NOC2L: variants seen among roughly 807,000 people sequenced by gnomAD.
The protein encoded by NOC2L is nucleolar complex protein 2 homolog.
Under a neutral mutation model 94.2 loss-of-function variants are expected in NOC2L, and 101 were observed. The ratio of observed to expected loss-of-function variants is 1.07; its 90% CI spans 0.91 to 1.26. The LOEUF (loss-of-function observed/expected upper bound fraction) is 1.26. NOC2L is among the 50% of genes most tolerant of loss of function. The probability of loss-of-function intolerance (pLI) is 0.00; values close to 1 mark genes in which losing one functional copy is unlikely to be tolerated. For missense variants in NOC2L, 1,076 were observed against 980.1 expected (o/e 1.10, Z -1.31); for synonymous variants, 531 against 413.4 (o/e 1.28, Z -3.45).
rs1642305583 is a variant in NOC2L, at chr1:953,190, A to G, written c.987T>C (p.Leu329=). 1 of 1,612,486 alleles carries G rather than the reference A, an allele frequency of 6.2e-7. No individual in the cohort carries two copies. Among genetic ancestry groups the G allele is most frequent in the African/African-American group, 1.3e-5 (1 of 75,020 alleles). The change falls in exon 9 of 19, where the codon CTT becomes CTC. Residue 329 remains leucine (L), a synonymous_variant. Coordinates refer to ENST00000327044, the MANE Select transcript of NOC2L (RefSeq NM_015658.4). The part of the protein sequence containing the change: ...RVCRHKKDTF[L]GPVLKQMYIT... ...CCACCACTACCTTGAGGACGGGGCC[A>G]AGGAAAGTGTCCTTCTTGTGCCGGC...
rs1280804398 is a variant in NOC2L, at chr1:948,154, G to C, written c.1636C>G (p.Leu546Val). 1 of 1,590,828 alleles carries C rather than the reference G, an allele frequency of 6.3e-7. No individual in the cohort carries two copies. Among genetic ancestry groups the C allele is most frequent in the Admixed American group, 1.7e-5 (1 of 57,204 alleles). Residue 546 changes from leucine to valine, a missense_variant, in exon 14 of 19, where the codon CTG becomes GTG. By Grantham distance (32) the Leu-to-Val change is conservative. Around this residue, in one of 3 missense-constraint regions of NOC2L, gnomAD observed 615 missense variants for 577.4 expected, o/e 1.07. Transcript: ENST00000327044. ...SQAHCIGFPE[L>V]VLPVVLQLKS... ...ACCTGCAGGACCACAGGCAGCACCA[G>C]CTCCGGGAAGCCGATGCAGTGTGCC...
In NOC2L at chr1:957,279, G is replaced by T. The variant is rs202135008; in HGVS notation, c.180-6C>A. 1 of 1,612,866 alleles carries T rather than the reference G, an allele frequency of 6.2e-7. No individual in the cohort carries two copies. Among genetic ancestry groups the T allele is most frequent in the South Asian group, 1.1e-5 (1 of 91,080 alleles). The stretch of plus-strand genomic sequence containing the variant: ...AGGCACGGCCTTTACGCCGGCTGAG[G>T]AGGCAGAAGTCAGCGACCCCAGTGG... On this transcript the variant is annotated splice_region_variant and splice_polypyrimidine_tract_variant and intron_variant, in intron 2 of 18. Transcript: ENST00000327044.
At chr1:950,473 G>A (rs1030663597) in intron 12 of NOC2L, among the ~76,000 whole-genome samples, 7 of 150,136 alleles carry the variant, frequency 4.7e-5, no homozygotes, top group African/African-American at 1.5e-4. Context: ...ATGCATACAG[G>A]TACACACAGG....
chr1:958,607 G>A lies in NOC2L; in HGVS notation c.179+322C>T, dbSNP rs765937707. Reference sequence around the variant, plus strand: ...CTGCAACTCTCTCTTCAGCCCCTCTGTCCTTCCTTTCCCTCCCCAGCACTT... The same window carrying A: ...CTGCAACTCTCTCTTCAGCCCCTCTATCCTTCCTTTCCCTCCCCAGCACTT... On this transcript the variant is annotated intron_variant, in intron 2 of 18. Transcript: ENST00000327044. 46 of 550,302 alleles carry A rather than the reference G, an allele frequency of 8.4e-5. 1 individual carries two copies. Among genetic ancestry groups the A allele is most frequent in the South Asian group, 2.5e-4 (16 of 64,410 alleles). The allele number at this position is 550,302 out of a possible 1,614,324, so 34.1% of individuals were successfully genotyped here. A position where few individuals can be genotyped will look rare whatever the true frequency, so the allele number is the denominator to read the frequency against.
At chr1:950,308 T>C in intron 12 of NOC2L, among the ~76,000 whole-genome samples, 1 of 149,224 alleles carries the variant, frequency 6.7e-6, no homozygotes, top group African/African-American at 2.5e-5. Context: ...GGTACATAGA[T>C]GCACGCAGAC....
chr1:958,969 C>A lies in NOC2L; in HGVS notation c.139G>T (p.Ala47Ser), dbSNP rs779499305. The change falls in exon 2 of 19, where the codon GCC becomes TCC. Residue 47 changes from alanine (A) to serine (S), a missense_variant. Physicochemically the swap from Ala to Ser is moderately conservative, Grantham distance 99 (BLOSUM62 1). Transcript: ENST00000327044. ...QAETREAREAARSPDKPGGSP... is the reference protein window; with the variant it reads ...QAETREAREASRSPDKPGGSP... ...CCGCCCGGCTTATCCGGACTCCGGG[C>A]AGCCTCGCGTGCTTCCCGTGTCTCC... The A allele has an allele frequency of 5.6e-6, 9 of 1,612,668 alleles. No homozygotes were observed. The Admixed American group carries it at 1.3e-4, about 24-fold the overall frequency.
chr1:945,088 CTCCTCGTCCTCT>C lies in NOC2L; in HGVS notation c.2100_2111del (p.Asp702_Glu705del), dbSNP rs372255682. 5.6e-6 allele frequency: 9 copies of C among 1,612,114 alleles called. No homozygotes were observed. The highest frequency in any genetic ancestry group is 4.0e-5 in the African/African-American group (3 of 75,020). ...AGTTGCTGCTGTCCTCCTCGCCCTC[CTCCTCGTCCTCT>C]TCATCGTCTTCCACCCCATGCCGAG... On this transcript the variant is annotated inframe_deletion, in exon 18 of 19. Coordinates refer to ENST00000327044, the MANE Select transcript of NOC2L (RefSeq NM_015658.4).
At position 955,940 on chromosome 1, in the gene NOC2L, C is replaced by T. The variant is rs1233525910; in HGVS notation, c.681G>A (p.Val227=). The T allele has an allele frequency of 1.2e-6, 2 of 1,614,010 alleles. No individual in the cohort carries two copies. The highest frequency in any genetic ancestry group is 1.1e-5 in the South Asian group (1 of 91,056). Residue 227 remains valine (V), a synonymous_variant, in exon 6 of 19, where the codon GTG becomes GTA. Transcript: ENST00000327044. ...GCLQKLLFGK[V]AKDSSRMLQP... ...CCTCTTACCTGCTGCTATCCTTTGC[C>T]ACCTTTCCAAACAGCAGCTTCTGGA... is the stretch of plus-strand genomic sequence containing the variant.
At chr1:948,365 A>G (rs1443666072) in intron 13 of NOC2L, 125 bp downstream of exon 13, 2 of 1,032,870 alleles carry the variant, frequency 1.9e-6, no homozygotes. Flanking sequence ...CCTGGGCCCC[A>G]GCCCTGGGAG....
chr1:958,946 G>A lies in NOC2L; in HGVS notation c.162C>T (p.Gly54=). The A allele has an allele frequency of 6.2e-7, 1 of 1,612,718 alleles. No individual in the cohort carries two copies. The highest frequency in any genetic ancestry group is 1.3e-5 in the African/African-American group (1 of 75,052). ...CCACTAACCTGGCCGAGGGGCTCCCGCCCGGCTTATCCGGACTCCGGGCAG... is the reference window on the plus strand; with the variant it reads ...CCACTAACCTGGCCGAGGGGCTCCCACCCGGCTTATCCGGACTCCGGGCAG... The part of the protein sequence containing the change: ...REAARSPDKP[G]GSPSASRRKG... Residue 54 remains glycine, a synonymous_variant, in exon 2 of 19, where the codon GGC becomes GGT. Transcript: ENST00000327044.
rs1328557885 is a variant in NOC2L at position 944,627 on chromosome 1, C to T, written c.*67G>A. The T allele has an allele frequency of 1.0e-6, 1 of 988,584 alleles. No homozygotes were observed. The highest frequency in any genetic ancestry group is 1.5e-6 in the Non-Finnish European group (1 of 649,642). 61.2% of individuals were successfully genotyped at this position (988,584 alleles called of 1,614,324 possible). On this transcript the variant is annotated 3_prime_UTR_variant, in exon 19 of 19. Coordinates refer to ENST00000327044, the MANE Select transcript of NOC2L (RefSeq NM_015658.4). ...CACAGACGCCAGCCTCTAGGCCTGA[C>T]TGCCAGGGAGGTGGAAACACTGGCC... is the stretch of plus-strand genomic sequence containing the variant.
At chr1:952,302 G>C in intron 10 of NOC2L, 110 bp downstream of exon 10, 1 of 1,443,108 alleles carries the variant, frequency 6.9e-7, no homozygotes, top group Middle Eastern at 1.9e-4. Flanking sequence ...AGGGTGCTGG[G>C]CTGTCTCCAG....
intron 6 of NOC2L, 85 bp from the exon 7 acceptor site, chr1:954,167 A>G: frequency 2.2e-6 from 3 of 1,334,960 alleles, no homozygotes; most frequent in Non-Finnish European, 3.2e-6. Context: ...TGCCCTGGCC[A>G]GCATAGCCTC....
rs912420837 is a variant in NOC2L, at chr1:948,336, G to A, written c.1558-104C>T. 38 of 1,110,376 alleles carry A rather than the reference G, an allele frequency of 3.4e-5. No individual in the cohort carries two copies. The African/African-American group carries it at 4.2e-4, about 12-fold the overall frequency. 68.8% of individuals were successfully genotyped at this position (1,110,376 alleles called of 1,614,324 possible). A position where few individuals can be genotyped will look rare whatever the true frequency, so the allele number is the denominator to read the frequency against. On this transcript the variant is annotated intron_variant, in intron 13 of 18. Transcript: ENST00000327044. ...CAGGGCAGCGCCATCTCCAGGGCAC[G>A]GACTGCAAGGAAGGGGCTCCTGGGC...
At chr1:954,571 A>T in intron 6 of NOC2L, 1 of 155,064 alleles carries the variant, frequency 6.4e-6, no homozygotes, top group South Asian at 2.0e-4. Context: ...GACTCATGCC[A>T]GTACTCACTG....
rs1642107257 is a variant in NOC2L at position 946,250 on chromosome 1, G to A, written c.1840C>T (p.Pro614Ser). 4 of 1,613,662 alleles carry A rather than the reference G, an allele frequency of 2.5e-6. No homozygotes were observed. Among genetic ancestry groups the A allele is most frequent in the East Asian group, 2.2e-5 (1 of 44,896 alleles). ...CAGTGGCTGTAGTACAAGGTCAGGG[G>A]TGTCCCCTCTTCCCGGGTCAGCTTC... ...WEKLTREEGTPLTLYYSHWRK... is the reference protein window; with the variant it reads ...WEKLTREEGTSLTLYYSHWRK... The change falls in exon 16 of 19, where the codon CCC becomes TCC. Residue 614 changes from proline to serine, a missense_variant. Transcript: ENST00000327044.
intron 14 of NOC2L, 39 bp downstream of exon 14, chr1:948,092 T>C: frequency 2.7e-6 from 4 of 1,499,348 alleles, no homozygotes; most frequent in Non-Finnish European, 3.6e-6. Context: ...TATAAGACAG[T>C]CTGAGTCGGC....
At chr1:947,612 G>A (rs1034795238) in intron 14 of NOC2L, among the ~76,000 whole-genome samples, 2 of 152,252 alleles carry the variant, frequency 1.3e-5, no homozygotes, top group African/African-American at 4.8e-5. Flanking sequence ...AGGACCTTCT[G>A]AGGATAAGGA....
intron 6 of NOC2L, among the ~76,000 whole-genome samples, chr1:955,638 C>T (rs1324138956): frequency 6.6e-6 from 1 of 152,232 alleles, no homozygotes; most frequent in Non-Finnish European, 1.5e-5. Flanking sequence ...GAACCCTAAC[C>T]TGGGAAAATC....
Sources: gnomAD v4.1 joint callset for allele counts (sites outside exome capture counted in the v4.1 genomes callset) on GRCh38, gnomAD v4.1.1 for gene constraint, gnomAD v4.1.1 regional missense constraint, MANE v1.5 for transcripts, NCBI Gene and HGNC (gene_info 2026-07-23, HGNC 2026-07-21) for gene names.